The following NAPEPLD variants were observed in gnomAD, a reference collection of about 807,000 sequenced individuals.
NAPEPLD encodes N-acyl phosphatidylethanolamine phospholipase D.
A neutral mutation model predicts 38.1 loss-of-function variants in NAPEPLD; 23 were observed. That is an observed-to-expected ratio of 0.60 (90% CI 0.43 to 0.86). The LOEUF (loss-of-function observed/expected upper bound fraction) is 0.86. NAPEPLD is among the 40% of genes least tolerant of loss of function. The pLI, the probability that NAPEPLD is intolerant of heterozygous loss-of-function variation, is 0.00. For missense variants in NAPEPLD, 411 were observed against 476.8 expected (o/e 0.86, Z 1.28); for synonymous variants, 147 against 162.0 (o/e 0.91, Z 0.71).
chr7:103,142,205 G>A (rs771864456), intron 1 of NAPEPLD, among the ~76,000 whole-genome samples: 5 of 152,180 alleles, frequency 3.3e-5, no homozygotes, highest in Non-Finnish European at 7.3e-5. Context: ...GCTGCCTACC[G>A]TAAAGCCAAC....
intron 1 of NAPEPLD, among the ~76,000 whole-genome samples, chr7:103,143,098 C>T (rs1469950076): frequency 6.6e-6 from 1 of 151,878 alleles, no homozygotes; most frequent in Non-Finnish European, 1.5e-5. Flanking sequence ...CAAACACACA[C>T]ACGCAAAAAT....
intron 1 of NAPEPLD, among the ~76,000 whole-genome samples, chr7:103,143,204 G>A (rs1233068309): frequency 1.3e-5 from 2 of 152,302 alleles, no homozygotes; most frequent in East Asian, 1.9e-4. Context: ...TCCAGCCTGG[G>A]TGACAGAGCA....
chr7:103,124,151 T>C (rs1280204615), intron 2 of NAPEPLD, among the ~76,000 whole-genome samples: 1 of 151,764 alleles, frequency 6.6e-6, no homozygotes, highest in Non-Finnish European at 1.5e-5. Flanking sequence ...AAAATAATAA[T>C]AAATAATAAT....
intron 3 of NAPEPLD, among the ~76,000 whole-genome samples, chr7:103,118,231 T>C (rs1215364307): frequency 6.6e-6 from 1 of 152,164 alleles, no homozygotes; most frequent in Non-Finnish European, 1.5e-5. Context: ...TAAAGACCAA[T>C]TTTATGTTAC....
At chr7:103,137,798 A>G (rs1038903580) in intron 1 of NAPEPLD, among the ~76,000 whole-genome samples, 20 of 143,298 alleles carry the variant, frequency 1.4e-4, no homozygotes, top group Non-Finnish European at 3.0e-5. Context: ...CCTGGGTGAC[A>G]GAGCAAGATG....
At position 103,119,671 on chromosome 7, in the gene NAPEPLD, C is replaced by T. The variant is rs1806235070; in HGVS notation, c.847G>A (p.Gly283Arg). ...LGPWNRFFFA[G>R]DTGYCPAFEE... is the part of the protein sequence containing the mutation. The stretch of plus-strand genomic sequence containing the variant: ...AAAGCAGGGCAATAACCAGTATCTC[C>T]TGCGAAAAAAAATCGATTCCAAGGC... The change falls in exon 3 of 5, where the codon GGA becomes AGA. Residue 283 changes from glycine to arginine, a missense_variant. Gly to Arg is a moderately radical substitution (Grantham distance 125). Coordinates refer to ENST00000465647, the MANE Select transcript of NAPEPLD (RefSeq NM_001122838.3). 1 of 1,613,996 alleles carries T rather than the reference C, an allele frequency of 6.2e-7. No homozygotes were observed. Among genetic ancestry groups the T allele is most frequent in the Non-Finnish European group, 8.5e-7 (1 of 1,180,028 alleles).
chr7:103,120,349 A>G, intron 2 of NAPEPLD, 126 bp from the exon 3 acceptor site: 1 of 1,002,140 alleles, frequency 1.0e-6, no homozygotes, highest in Non-Finnish European at 1.4e-6. Context: ...GTCATTCAAT[A>G]AACTTGCTAC....
At chr7:103,118,283 T>C (rs6465898) in intron 3 of NAPEPLD, among the ~76,000 whole-genome samples, 133,277 of 152,236 alleles carry the variant, frequency 0.88, 61,073 homozygotes, top group East Asian at 1. Flanking sequence ...AATATATAAG[T>C]TGACAGGTTT....
chr7:103,129,359 G>A, intron 1 of NAPEPLD: 1 of 980,494 alleles, frequency 1.0e-6, no homozygotes, highest in Non-Finnish European at 1.2e-6. Context: ...TCCCCAGCCA[G>A]CATGTAAGCA....
intron 4 of NAPEPLD, among the ~76,000 whole-genome samples, chr7:103,107,285 G>T (rs1046618224): frequency 1.3e-5 from 2 of 152,058 alleles, no homozygotes; most frequent in African/African-American, 4.8e-5. Context: ...AATCCACAAA[G>T]ATGGGGAGAA....
intron 3 of NAPEPLD, 40 bp from the exon 4 acceptor site, chr7:103,115,214 A>C (rs545155481): frequency 7.1e-7 from 1 of 1,407,926 alleles, no homozygotes; most frequent in African/African-American, 1.4e-5. Context: ...GACCTTTGAG[A>C]TATACACTAA....
chr7:103,148,403 A>C (rs1813013916), intron 1 of NAPEPLD, among the ~76,000 whole-genome samples: 1 of 151,102 alleles, frequency 6.6e-6, no homozygotes, highest in Non-Finnish European at 1.5e-5. Context: ...TAATGAATGC[A>C]TGTGATCCCG....
intron 1 of NAPEPLD, chr7:103,148,112 T>C (rs1327784742): frequency 1.0e-6 from 1 of 984,458 alleles, no homozygotes; most frequent in Non-Finnish European, 1.2e-6. Flanking sequence ...TAACTGAAAA[T>C]AGAAATGGAA....
intron 4 of NAPEPLD, among the ~76,000 whole-genome samples, chr7:103,111,151 G>A (rs979096898): frequency 6.6e-6 from 1 of 152,126 alleles, no homozygotes; most frequent in Non-Finnish European, 1.5e-5. Flanking sequence ...TCATGGATAG[G>A]AAGAATCAAT....
chr7:103,111,382 A>G (rs1804490820), intron 4 of NAPEPLD, among the ~76,000 whole-genome samples: 1 of 152,236 alleles, frequency 6.6e-6, no homozygotes, highest in Non-Finnish European at 1.5e-5. Flanking sequence ...ACAGTAATCA[A>G]AACAGCATGG....
chr7:103,139,803 C>G (rs1205851913), intron 1 of NAPEPLD, among the ~76,000 whole-genome samples: 1 of 152,160 alleles, frequency 6.6e-6, no homozygotes, highest in Non-Finnish European at 1.5e-5. Context: ...ATGACTACAT[C>G]AGACCCTGTT....
rs1436688923 is a variant in NAPEPLD, at chr7:103,100,586, T to C, written c.*2843A>G. On this transcript the variant is annotated 3_prime_UTR_variant, in exon 5 of 5. Coordinates refer to ENST00000465647, the MANE Select transcript of NAPEPLD (RefSeq NM_001122838.3). ...TATTGGGCAGTGAGGCATAGCAAAG[T>C]ATTCCTCAGTTATCACAGGAAACTT... 6.6e-6 allele frequency: 1 copy of C among 152,242 alleles called. No homozygotes were observed. The highest frequency in any genetic ancestry group is 1.5e-5 in the Non-Finnish European group (1 of 68,042). 9.4% of individuals were successfully genotyped at this position (152,242 alleles called of 1,614,324 possible).
rs749425799 is a variant in NAPEPLD, at chr7:103,101,310, T to C, written c.*2119A>G. On this transcript the variant is annotated 3_prime_UTR_variant, in exon 5 of 5. Transcript: ENST00000465647. ...TGCTTTAGTACCCCAAAATCACATA[T>C]GTTCGCATACATCATATACACACAC... The C allele has an allele frequency of 3.3e-5, 5 of 152,170 alleles. No individual in the cohort carries two copies. The highest frequency in any genetic ancestry group is 2.1e-4 in the South Asian group (1 of 4,836). 9.4% of individuals were successfully genotyped at this position (152,170 alleles called of 1,614,324 possible).
intron 4 of NAPEPLD, among the ~76,000 whole-genome samples, chr7:103,105,152 A>G (rs866831391): frequency 9.8e-5 from 15 of 152,320 alleles, no homozygotes; most frequent in South Asian, 4.1e-4. Flanking sequence ...AAGGCTTCTG[A>G]GTGACTGAGA....
Sources: gnomAD v4.1 joint callset for allele counts (sites outside exome capture counted in the v4.1 genomes callset) on GRCh38, gnomAD v4.1.1 for gene constraint, MANE v1.5 for transcripts, NCBI Gene and HGNC (gene_info 2026-07-23, HGNC 2026-07-21) for gene names.